Variants in AP3B1 observed in about 807,000 individuals in gnomAD.
The protein encoded by AP3B1 is adaptor related protein complex 3 subunit beta 1, also known as AP-3 complex subunit beta-1.
Under a neutral mutation model 132.5 loss-of-function variants are expected in AP3B1, and 61 were observed. The ratio of observed to expected loss-of-function variants is 0.46; its 90% CI spans 0.37 to 0.57. The LOEUF (loss-of-function observed/expected upper bound fraction) is 0.57, where lower values mean the gene tolerates loss of function less well. AP3B1 is among the 20% of genes least tolerant of loss of function. The pLI, the probability that AP3B1 is intolerant of heterozygous loss-of-function variation, is 0.00. For missense variants in AP3B1, 1,120 were observed against 1,289.4 expected, an observed-to-expected ratio of 0.87 and a Z score of 2.01; for synonymous variants, 388 against 438.3, an observed-to-expected ratio of 0.89 and a Z score of 1.43.
chr5:78,237,986 T>C (rs889399499), intron 3 of AP3B1, among the ~76,000 whole-genome samples: 5 of 152,184 alleles, frequency 3.3e-5, no homozygotes, highest in African/African-American at 9.7e-5. Context: ...CTAGGATATA[T>C]GATACAGACC....
chr5:78,167,329 T>A (rs2112381472), intron 11 of AP3B1, among the ~76,000 whole-genome samples: 1 of 151,494 alleles, frequency 6.6e-6, no homozygotes, highest in East Asian at 1.9e-4. Context: ...AATCAAAAAA[T>A]CAAAAAATAA....
At chr5:78,247,332 C>T (rs74987491) in intron 2 of AP3B1, among the ~76,000 whole-genome samples, 5,323 of 149,450 alleles carry the variant, frequency 0.036, 160 homozygotes, top group East Asian at 0.13. Flanking sequence ...ATGTATATTT[C>T]GCTACTGTTG....
At chr5:78,277,550 G>A (rs983535918) in intron 1 of AP3B1, among the ~76,000 whole-genome samples, 154 of 152,202 alleles carry the variant, frequency 1.0e-3, no homozygotes, top group African/African-American at 3.6e-3. Flanking sequence ...AGACCTCCAC[G>A]GATAAGTGAT....
At position 78,142,799 on chromosome 5, in the gene AP3B1, A is replaced by G. The variant is rs79618366; in HGVS notation, c.1474-1480T>C. ...GAAATCCATATACTTGTGCAATTAGAAAAAGGTCTAAGTGCTATTAAAAAT... is the reference window on the plus strand; with the variant it reads ...GAAATCCATATACTTGTGCAATTAGGAAAAGGTCTAAGTGCTATTAAAAAT... On this transcript the variant is annotated intron_variant, in intron 14 of 26. Coordinates refer to ENST00000255194, the MANE Select transcript of AP3B1 (RefSeq NM_003664.5). Among the ~76,000 whole-genome samples, 463 of 152,272 alleles carry G rather than the reference A, an allele frequency of 3.0e-3. 4 individuals are homozygous for G. Among genetic ancestry groups the G allele is most frequent in the African/African-American group, 0.011 (442 of 41,584 alleles).
chr5:78,021,579 A>G (rs150946959), intron 24 of AP3B1, among the ~76,000 whole-genome samples: 376 of 152,272 alleles, frequency 2.5e-3, no homozygotes, highest in African/African-American at 8.4e-3. Context: ...AGTGTGTTTG[A>G]TGGCAAATAA....
At chr5:78,264,110 A>G (rs1748217665) in intron 2 of AP3B1, among the ~76,000 whole-genome samples, 1 of 152,164 alleles carries the variant, frequency 6.6e-6, no homozygotes, top group African/African-American at 2.4e-5. Flanking sequence ...CAAACTGCCT[A>G]AGGATGCATT....
intron 22 of AP3B1, among the ~76,000 whole-genome samples, chr5:78,083,116 C>T (rs1341438013): frequency 6.6e-6 from 1 of 152,142 alleles, no homozygotes; most frequent in Non-Finnish European, 1.5e-5. Context: ...CGCGCCCGGC[C>T]ACGTTGAGAA....
chr5:78,225,435 A>T (rs1011867056), intron 6 of AP3B1, 107 bp downstream of exon 6: 12 of 611,448 alleles, frequency 2.0e-5, no homozygotes, highest in Non-Finnish European at 3.0e-5. Context: ...TAATATTTAT[A>T]CCATTTTGAA....
intron 15 of AP3B1, among the ~76,000 whole-genome samples, chr5:78,132,259 A>AT (rs1366978878): frequency 6.6e-6 from 1 of 152,144 alleles, no homozygotes. Context: ...AAGAACATTG[A>AT]TTTTTACCAT....
intron 23 of AP3B1, among the ~76,000 whole-genome samples, chr5:78,034,905 C>G (rs964411990): frequency 6.6e-6 from 1 of 151,434 alleles, no homozygotes; most frequent in Non-Finnish European, 1.5e-5. Flanking sequence ...GAAAAAAATC[C>G]TAAATTAAAA....
chr5:78,058,307 C>T (rs189124207), intron 22 of AP3B1, among the ~76,000 whole-genome samples: 1 of 152,190 alleles, frequency 6.6e-6, no homozygotes, highest in Admixed American at 6.5e-5. Flanking sequence ...TGAGACCAGC[C>T]TGGCCAACAT....
rs770294708 is a variant in AP3B1 at position 78,129,198 on chromosome 5, C to T, written c.1760G>A (p.Ser587Asn). ...TTTGGCATATTTACTTAAAGCTCCA[C>T]TCTTTACATTCGGAACAATAAGCTG... Reference protein sequence around the residue: ...IRQLIVPNVKSGALSKYAKKI... With the variant: ...IRQLIVPNVKNGALSKYAKKI... The change falls in exon 16 of 27, where the codon AGT becomes AAT. Residue 587 changes from serine (S) to asparagine (N), a missense_variant. By Grantham distance (46) the Ser-to-Asn change is conservative. Around this residue, in one of 3 missense-constraint regions of AP3B1, gnomAD observed 906 missense variants for 997.1 expected, o/e 0.91. Transcript: ENST00000255194. The T allele has an allele frequency of 7.4e-6, 12 of 1,613,288 alleles. No individual in the cohort carries two copies. Among genetic ancestry groups the T allele is most frequent in the Non-Finnish European group, 1.0e-5 (12 of 1,179,402 alleles).
intron 17 of AP3B1, among the ~76,000 whole-genome samples, chr5:78,126,284 C>G (rs992159777): frequency 1.3e-5 from 2 of 151,810 alleles, no homozygotes. Flanking sequence ...GCGGGCAGAT[C>G]ACTTGAGGTC....
chr5:78,236,696 T>A (rs986810194), intron 3 of AP3B1, among the ~76,000 whole-genome samples: 2 of 152,214 alleles, frequency 1.3e-5, no homozygotes, highest in East Asian at 3.8e-4. Flanking sequence ...TCAGACAGGT[T>A]TTTTTAATGT....
intron 1 of AP3B1, among the ~76,000 whole-genome samples, chr5:78,288,452 A>G (rs1463659727): frequency 2.6e-5 from 4 of 152,226 alleles, no homozygotes; most frequent in East Asian, 3.8e-4. Flanking sequence ...TCCTGATTGT[A>G]AAGTTCATTC....
chr5:78,034,215 C>T (rs1747700485), intron 24 of AP3B1, 146 bp downstream of exon 24: 1 of 691,880 alleles, frequency 1.4e-6, no homozygotes, highest in South Asian at 1.6e-5. Context: ...TACAACTATT[C>T]CAAGGCAGTC....
chr5:78,267,546 G>A lies in AP3B1; in HGVS notation c.178C>T (p.Leu60=), dbSNP rs1561210573. The A allele has an allele frequency of 6.2e-7, 1 of 1,611,484 alleles. No individual in the cohort carries two copies. Among genetic ancestry groups the A allele is most frequent in the Non-Finnish European group, 8.5e-7 (1 of 1,178,536 alleles). The change falls in exon 2 of 27, where the codon CTG becomes TTG. Residue 60 remains leucine (L), a synonymous_variant. Coordinates refer to ENST00000255194, the MANE Select transcript of AP3B1 (RefSeq NM_003664.5). ...CCAACAATCCGCTTCATAGCATCCA[G>A]TTTAGCAGAATCTTTGTTGCTCTCT... ...MLESNKDSAK[L]DAMKRIVGMI...
At chr5:78,148,751 T>C (rs4323216) in intron 14 of AP3B1, among the ~76,000 whole-genome samples, 6,209 of 152,258 alleles carry the variant, frequency 0.041, 192 homozygotes, top group East Asian at 0.14. Flanking sequence ...ACAATTATTT[T>C]TGCACCAACC....
intron 22 of AP3B1, among the ~76,000 whole-genome samples, chr5:78,045,825 A>T (rs1748306462): frequency 6.6e-6 from 1 of 152,246 alleles, no homozygotes; most frequent in Non-Finnish European, 1.5e-5. Context: ...GGTTTAAGAA[A>T]AAGGGAAGAT....
Sources: gnomAD v4.1 joint callset for allele counts (sites outside exome capture counted in the v4.1 genomes callset) on GRCh38, gnomAD v4.1.1 for gene constraint, gnomAD v4.1.1 regional missense constraint, MANE v1.5 for transcripts, NCBI Gene and HGNC (gene_info 2026-07-23, HGNC 2026-07-21) for gene names.